HYDIN: variants seen among roughly 807,000 people sequenced by gnomAD.
HYDIN encodes HYDIN axonemal central pair apparatus protein, also known as axonemal central pair apparatus protein HYDIN.
HYDIN carries 132 observed loss-of-function variants against 403.9 expected under a neutral mutation model. That is an observed-to-expected ratio of 0.33 (90% CI 0.28 to 0.38). The LOEUF (loss-of-function observed/expected upper bound fraction) is 0.38. Among genes scored for constraint, HYDIN ranks in the 10% least tolerant of loss-of-function variants. The pLI, the probability that HYDIN is intolerant of heterozygous loss-of-function variation, is 1.00. For missense variants in HYDIN, 2,827 were observed against 5,009.5 expected, an observed-to-expected ratio of 0.56 and a Z score of 13.15; for synonymous variants, 1,202 against 1,891.7, an observed-to-expected ratio of 0.64 and a Z score of 9.46.
chr16:71,182,521 T>C (rs1337748350), intron 3 of HYDIN, among the ~76,000 whole-genome samples: 1 of 152,028 alleles, frequency 6.6e-6, no homozygotes, highest in Non-Finnish European at 1.5e-5. Context: ...GCATCAGGAA[T>C]ACAACTCCAA....
rs1416052940 is a variant in HYDIN, at chr16:70,806,013, T to C, written c.*1567A>G. On this transcript the variant is annotated 3_prime_UTR_variant, in exon 86 of 86. Coordinates refer to ENST00000393567, the MANE Select transcript of HYDIN (RefSeq NM_001270974.2). ...CATGCTGTAGACACAACCTACTTGA[T>C]AGTCACTGAGTAGATGACTTGGGGT... Among the ~76,000 whole-genome samples, 2 of 152,214 alleles carry C rather than the reference T, an allele frequency of 1.3e-5. No individual in the cohort carries two copies. The highest frequency in any genetic ancestry group is 2.9e-5 in the Non-Finnish European group (2 of 68,028).
intron 75 of HYDIN, among the ~76,000 whole-genome samples, chr16:70,842,723 T>C (rs537693289): frequency 7.9e-5 from 12 of 152,238 alleles, no homozygotes; most frequent in African/African-American, 2.6e-4. Flanking sequence ...TTAAATTTAA[T>C]GTAATTACTG....
intron 1 of HYDIN, among the ~76,000 whole-genome samples, chr16:71,214,466 T>G (rs2088767735): frequency 1.3e-5 from 2 of 152,138 alleles, no homozygotes; most frequent in African/African-American, 4.8e-5. Flanking sequence ...AAGAACAAAT[T>G]AAATTATTGG....
intron 23 of HYDIN, among the ~76,000 whole-genome samples, chr16:71,002,327 C>T (rs2079746005): frequency 6.6e-6 from 1 of 152,134 alleles, no homozygotes; most frequent in Non-Finnish European, 1.5e-5. Context: ...AGGAGGATTG[C>T]CTGAGGCTGG....
At chr16:71,173,351 G>A (rs190180078) in intron 5 of HYDIN, among the ~76,000 whole-genome samples, 28 of 152,212 alleles carry the variant, frequency 1.8e-4, no homozygotes, top group Admixed American at 1.7e-3. Context: ...TAAGTGGAAC[G>A]GTAAGAAGGA....
chr16:70,981,213 A>G (rs186494195), intron 29 of HYDIN, among the ~76,000 whole-genome samples, 178 bp downstream of exon 29: 1 of 152,392 alleles, frequency 6.6e-6, no homozygotes, highest in Admixed American at 6.5e-5. Flanking sequence ...GGGCTGCCAT[A>G]GACGATTTCT....
At chr16:70,994,270 G>C (rs201139130) in intron 23 of HYDIN, among the ~76,000 whole-genome samples, 2 of 7,056 alleles carry the variant, frequency 2.8e-4, no homozygotes, top group Non-Finnish European at 5.8e-4. Flanking sequence ...TGGATGCATG[G>C]ATGGATGGAT....
In HYDIN at chr16:70,803,245, C is replaced by T. The variant is rs1466928793; in HGVS notation, c.*4335G>A. Reference sequence around the variant, plus strand: ...AGTAACCAGTTTTTTATTCAAGGCCCAGACCAATGCCTACCTTTAGGTCAG... The same window carrying T: ...AGTAACCAGTTTTTTATTCAAGGCCTAGACCAATGCCTACCTTTAGGTCAG... On this transcript the variant is annotated 3_prime_UTR_variant, in exon 86 of 86. Coordinates refer to ENST00000393567, the MANE Select transcript of HYDIN (RefSeq NM_001270974.2). Among the ~76,000 whole-genome samples, 1 of 152,112 alleles carries T rather than the reference C, an allele frequency of 6.6e-6. No homozygotes were observed. Among genetic ancestry groups the T allele is most frequent in the Non-Finnish European group, 1.5e-5 (1 of 68,038 alleles).
rs777595387 is a variant in HYDIN at position 70,882,624 on chromosome 16, A to C, written c.10215+36T>G. ...GAGCCCTTTTTCCAGCTTTATGTGA[A>C]CCACGCTGGGCCAGGGGCCATTGGG... is the stretch of plus-strand genomic sequence containing the variant. On this transcript the variant is annotated intron_variant, in intron 60 of 85. Transcript: ENST00000393567. The C allele has an allele frequency of 7.8e-6, 12 of 1,540,342 alleles. No homozygotes were observed. The South Asian group carries it at 1.3e-4, about 17-fold the overall frequency.
rs974145891 is a variant in HYDIN, at chr16:71,137,431, A to G, written c.842-79T>C. On this transcript the variant is annotated intron_variant, in intron 7 of 85. Coordinates refer to ENST00000393567, the MANE Select transcript of HYDIN (RefSeq NM_001270974.2). ...CCTAGGCTATCTTTTTTTCAAGCTG[A>G]AGTTAGGCAAAATAGCATAAGCATC... 50 of 566,362 alleles carry G rather than the reference A, an allele frequency of 8.8e-5. 1 individual carries two copies. In the Middle Eastern group the frequency reaches 2.4e-3, roughly 27 times the overall value. The allele number at this position is 566,362 out of a possible 1,614,324, so 35.1% of individuals were successfully genotyped here.
chr16:71,061,541 C>G (rs939253532), intron 17 of HYDIN, among the ~76,000 whole-genome samples: 28 of 152,142 alleles, frequency 1.8e-4, no homozygotes, highest in Middle Eastern at 3.2e-3. Flanking sequence ...CCATGAATCC[C>G]TCTTCCTCTT....
chr16:71,219,147 G>T (rs1313914306), intron 1 of HYDIN, among the ~76,000 whole-genome samples: 1 of 152,090 alleles, frequency 6.6e-6, no homozygotes, highest in Non-Finnish European at 1.5e-5. Flanking sequence ...CAACATAGTT[G>T]TACAGAACAT....
chr16:71,061,248 C>T (rs1382728613), intron 17 of HYDIN, among the ~76,000 whole-genome samples: 1 of 149,056 alleles, frequency 6.7e-6, no homozygotes, highest in Non-Finnish European at 1.5e-5. Context: ...CACAGTGAGC[C>T]TCGTGGGGGA....
rs1162386921 is a variant in HYDIN, at chr16:70,806,341, C to T, written c.*1239G>A. ...GGACTATTGTAAAGGTCTGTGTTTA[C>T]AGACATTCTAGAAAAAGCTTTTTTG... On this transcript the variant is annotated 3_prime_UTR_variant, in exon 86 of 86. Transcript: ENST00000393567. 1.3e-5 allele frequency among the ~76,000 whole-genome samples: 2 copies of T among 151,726 alleles called. No individual in the cohort carries two copies. Among genetic ancestry groups the T allele is most frequent in the Non-Finnish European group, 2.9e-5 (2 of 68,042 alleles).
At chr16:71,145,317 C>T (rs868281059) in intron 7 of HYDIN, among the ~76,000 whole-genome samples, 1 of 151,304 alleles carries the variant, frequency 6.6e-6, no homozygotes, top group South Asian at 2.1e-4. Context: ...TGTAGTGGCA[C>T]GATCTTGCCT....
chr16:71,034,603 A>T (rs980888691), intron 18 of HYDIN, among the ~76,000 whole-genome samples: 4 of 152,108 alleles, frequency 2.6e-5, no homozygotes, highest in African/African-American at 9.7e-5. Context: ...CCAATTTATA[A>T]TTGAGGACAA....
chr16:70,905,092 C>T (rs1282554327), intron 50 of HYDIN, among the ~76,000 whole-genome samples: 1 of 152,050 alleles, frequency 6.6e-6, no homozygotes, highest in Non-Finnish European at 1.5e-5. Context: ...AGCAGAAACA[C>T]TCTGAAAAAG....
intron 39 of HYDIN, among the ~76,000 whole-genome samples, chr16:70,958,157 T>A (rs1487288872): frequency 6.6e-6 from 1 of 152,220 alleles, no homozygotes; most frequent in Non-Finnish European, 1.5e-5. Flanking sequence ...AGTTTGGGGA[T>A]AATCCTTAAT....
At chr16:70,908,503 G>A (rs145870543) in intron 48 of HYDIN, 69 bp from the exon 49 acceptor site, 22,170 of 1,406,038 alleles carry the variant, frequency 0.016, 483 homozygotes, top group African/African-American at 0.096. Flanking sequence ...CAGGAGAGCT[G>A]CCTGGAAGTC....
Sources: gnomAD v4.1 joint callset for allele counts (sites outside exome capture counted in the v4.1 genomes callset) on GRCh38, gnomAD v4.1.1 for gene constraint, MANE v1.5 for transcripts, NCBI Gene and HGNC (gene_info 2026-07-23, HGNC 2026-07-21) for gene names.